Variants in NYAP2 observed in about 807,000 individuals in gnomAD.
NYAP2 encodes neuronal tyrosine-phosphorylated phosphoinositide-3-kinase adaptor 2, also known as neuronal tyrosine-phosphorylated phosphoinositide-3-kinase adapter 2.
A neutral mutation model predicts 50.4 loss-of-function variants in NYAP2; 23 were observed. The observed-to-expected ratio is 0.46, with a 90% confidence interval of 0.33 to 0.65. NYAP2 has a LOEUF of 0.65. NYAP2 is among the 30% of genes least tolerant of loss of function. The pLI is 0.02. For synonymous variants in NYAP2, 394 were observed against 365.2 expected (o/e 1.08, Z -0.90); for missense variants, 885 against 861.0 (o/e 1.03, Z -0.35).
chr2:225,589,324 G>A (rs1463375174), intron 5 of NYAP2, among the ~76,000 whole-genome samples: 1 of 31,942 alleles, frequency 3.1e-5, no homozygotes, highest in African/African-American at 1.6e-4. Context: ...TGGAATAAAT[G>A]TTAGTTTTTT....
intron 4 of NYAP2, among the ~76,000 whole-genome samples, chr2:225,541,476 G>A (rs920141264): frequency 6.6e-6 from 1 of 152,092 alleles, no homozygotes; most frequent in Non-Finnish European, 1.5e-5. Context: ...TATATGCCAA[G>A]AGATAGGGAT....
At chr2:225,483,373 GA>G (rs766955185) in intron 3 of NYAP2, among the ~76,000 whole-genome samples, 4 of 152,002 alleles carry the variant, frequency 2.6e-5, no homozygotes, top group South Asian at 2.1e-4. Context: ...ATAATGGTAA[GA>G]AAAAAATATG....
intron 5 of NYAP2, among the ~76,000 whole-genome samples, chr2:225,608,310 T>C (rs1692825021): frequency 6.6e-6 from 1 of 152,158 alleles, no homozygotes; most frequent in African/African-American, 2.4e-5. Context: ...TGGATGTCTG[T>C]TGATTTCACA....
chr2:225,542,046 A>C (rs996481193), intron 4 of NYAP2, among the ~76,000 whole-genome samples: 3 of 152,024 alleles, frequency 2.0e-5, no homozygotes, highest in African/African-American at 7.2e-5. Context: ...AGCTATTATA[A>C]ATAGGATTAC....
chr2:225,433,209 G>A (rs1397352244), intron 3 of NYAP2, among the ~76,000 whole-genome samples: 1 of 151,820 alleles, frequency 6.6e-6, no homozygotes, highest in Non-Finnish European at 1.5e-5. Flanking sequence ...ATTTTAGCTG[G>A]GTGCAGTAGT....
At chr2:225,702,850 A>C in the NYAP2 span, 1 of 151,718 alleles carries the variant, frequency 6.6e-6, no homozygotes, top group Non-Finnish European at 1.5e-5. Context: ...TGTCTCAACC[A>C]AACATGAAAA....
At chr2:225,425,428 T>C (rs1296285734) in intron 3 of NYAP2, among the ~76,000 whole-genome samples, 2 of 152,226 alleles carry the variant, frequency 1.3e-5, no homozygotes, top group African/African-American at 4.8e-5. Flanking sequence ...TGAGGTCTCA[T>C]GTTAGAGGCC....
intron 6 of NYAP2, among the ~76,000 whole-genome samples, chr2:225,641,879 G>A (rs1693540911): frequency 6.6e-6 from 1 of 151,770 alleles, no homozygotes; most frequent in South Asian, 2.1e-4. Flanking sequence ...CTGGAAACAT[G>A]GGGAAGGTGA....
chr2:225,496,425 A>T (rs1160048883), intron 3 of NYAP2, among the ~76,000 whole-genome samples: 1 of 152,174 alleles, frequency 6.6e-6, no homozygotes, highest in Non-Finnish European at 1.5e-5. Context: ...TACATTTTTT[A>T]TCCTCCTTTT....
chr2:225,511,174 C>A (rs1333806297), intron 3 of NYAP2, among the ~76,000 whole-genome samples: 4 of 152,050 alleles, frequency 2.6e-5, no homozygotes, highest in Non-Finnish European at 5.9e-5. Flanking sequence ...TGAGAAAGAT[C>A]AAAACCACAA....
intron 3 of NYAP2, among the ~76,000 whole-genome samples, chr2:225,469,934 G>A (rs537364638): frequency 6.6e-6 from 1 of 152,230 alleles, no homozygotes; most frequent in South Asian, 2.1e-4. Context: ...AACCACCATG[G>A]CACGTGTATA....
chr2:225,441,721 G>A (rs1689473855), intron 3 of NYAP2, among the ~76,000 whole-genome samples: 3 of 152,090 alleles, frequency 2.0e-5, no homozygotes, highest in Admixed American at 2.0e-4. Flanking sequence ...CTGCCTCCAC[G>A]ATCCAATCAC....
intron 5 of NYAP2, among the ~76,000 whole-genome samples, chr2:225,603,909 C>T (rs918136657): frequency 6.6e-6 from 1 of 152,088 alleles, no homozygotes; most frequent in Non-Finnish European, 1.5e-5. Flanking sequence ...TATTGAAACC[C>T]TCTGAGACCT....
the NYAP2 span, chr2:225,699,770 A>T: frequency 1.3e-5 from 2 of 151,804 alleles, no homozygotes; most frequent in Non-Finnish European, 2.9e-5. Flanking sequence ...AATGCAGGGG[A>T]TGAGGGATGG....
At chr2:225,521,761 T>G (rs1691063605) in intron 4 of NYAP2, among the ~76,000 whole-genome samples, 1 of 152,068 alleles carries the variant, frequency 6.6e-6, no homozygotes, top group Non-Finnish European at 1.5e-5. Flanking sequence ...TCTGCTTGGC[T>G]TTGGTATCAG....
the NYAP2 span, among the ~76,000 whole-genome samples, chr2:225,667,831 T>C: frequency 6.6e-6 from 1 of 152,074 alleles, no homozygotes; most frequent in Non-Finnish European, 1.5e-5. Flanking sequence ...AGATGCACGG[T>C]TGGAAGACTA....
chr2:225,516,265 C>T (rs1336337289), intron 4 of NYAP2, among the ~76,000 whole-genome samples: 1 of 152,156 alleles, frequency 6.6e-6, no homozygotes, highest in African/African-American at 2.4e-5. Context: ...CTCCCAATGG[C>T]TACTTGTCAA....
At chr2:225,605,955 A>G (rs1476658782) in intron 5 of NYAP2, among the ~76,000 whole-genome samples, 1 of 152,176 alleles carries the variant, frequency 6.6e-6, no homozygotes, top group Non-Finnish European at 1.5e-5. Flanking sequence ...TTTCCGTAAT[A>G]TAAAACAGTG....
At chr2:225,410,864 T>C (rs1376265143) in intron 3 of NYAP2, among the ~76,000 whole-genome samples, 1 of 152,108 alleles carries the variant, frequency 6.6e-6, no homozygotes, top group African/African-American at 2.4e-5. Context: ...AACAGAAATT[T>C]AGGTAGACGG....
Sources: allele counts gnomAD v4.1 joint callset (sites outside exome capture counted in the v4.1 genomes callset), GRCh38; gene constraint gnomAD v4.1.1; transcripts MANE v1.5; gene names NCBI Gene and HGNC (gene_info 2026-07-23, HGNC 2026-07-21).